The following DNMT3A variants were observed in gnomAD, a reference collection of about 807,000 sequenced individuals.
DNMT3A encodes the protein DNA methyltransferase 3 alpha.
DNMT3A carries 267 observed loss-of-function variants against 117.6 expected under a neutral mutation model. The observed-to-expected ratio is 2.27, with a 90% confidence interval of 2.05 to 2.51. DNMT3A has a LOEUF of 2.51. Among genes scored for constraint, DNMT3A ranks in the 30% most tolerant of loss-of-function variants. The probability of loss-of-function intolerance (pLI) is 0.00; values close to 1 mark genes in which losing one functional copy is unlikely to be tolerated. For synonymous variants in DNMT3A, 432 were observed against 474.8 expected (o/e 0.91, Z 1.17); for missense variants, 1,029 against 1,260.2 (o/e 0.82, Z 2.78).
At chr2:25,244,988 T>G (rs990250621) in intron 13 of DNMT3A, among the ~76,000 whole-genome samples, 1 of 152,180 alleles carries the variant, frequency 6.6e-6, no homozygotes, top group African/African-American at 2.4e-5. Flanking sequence ...TCCCCGCTGC[T>G]CTGCTCCCAT....
At chr2:25,251,601 G>A (rs1028101002) in intron 6 of DNMT3A, among the ~76,000 whole-genome samples, 1 of 152,112 alleles carries the variant, frequency 6.6e-6, no homozygotes, top group Non-Finnish European at 1.5e-5. Flanking sequence ...GAGCGCCACC[G>A]CCCCCAAGCC....
intron 1 of DNMT3A, among the ~76,000 whole-genome samples, chr2:25,315,942 G>T (rs72810082): frequency 1.3e-5 from 2 of 152,204 alleles, no homozygotes; most frequent in African/African-American, 4.8e-5. Context: ...TGGAAAGAAC[G>T]TTGAGCCCAA....
Position 25,246,245 on chromosome 2 carries a change from G to A in DNMT3A, c.1344C>T (p.Tyr448=), listed in dbSNP as rs137931376. 53 of 1,614,108 alleles carry A rather than the reference G, an allele frequency of 3.3e-5. No individual in the cohort carries two copies. The African/African-American group carries it at 4.1e-4, about 13-fold the overall frequency. ...DMWVEPEAAA[Y]APPPPAKKPR... Reference sequence around the variant, plus strand: ...GCTTTTTGGCTGGTGGAGGTGGTGCGTAGGCAGCTGCCTCAGGTTCCACCC... The same window carrying A: ...GCTTTTTGGCTGGTGGAGGTGGTGCATAGGCAGCTGCCTCAGGTTCCACCC... The change falls in exon 11 of 23, where the codon TAC becomes TAT. Residue 448 remains tyrosine, a synonymous_variant. Coordinates refer to ENST00000321117, the MANE Select transcript of DNMT3A (RefSeq NM_022552.5).
In DNMT3A at chr2:25,246,661, C is replaced by A. The variant is rs1456725200; in HGVS notation, c.1238G>T (p.Gly413Val). 1.2e-6 allele frequency: 2 copies of A among 1,613,052 alleles called. No homozygotes were observed. The highest frequency in any genetic ancestry group is 8.5e-7 in the Non-Finnish European group (1 of 1,179,734). The change falls in exon 10 of 23, where the codon GGC becomes GTC. Residue 413 changes from glycine (G) to valine (V), a missense_variant. Physicochemically the swap from Gly to Val is moderately radical, Grantham distance 109 (BLOSUM62 -3). Coordinates refer to ENST00000321117, the MANE Select transcript of DNMT3A (RefSeq NM_022552.5). Reference protein sequence around the residue: ...NKPMIEWALGGFQPSGPKGLE... With the variant: ...NKPMIEWALGVFQPSGPKGLE... ...GCCCTTAGGGCCAGAAGGCTGGAAG[C>A]CCCCCAGGGCCCATTCAATCATGGG...
chr2:25,246,618 A>C lies in DNMT3A; in HGVS notation c.1279+2T>G, dbSNP rs1674806334. Reference sequence around the variant, plus strand: ...CCCAGAAAGCTGGGTGCCCTCATTTACCTTCTGGTGGCTCCAGGCCCTTAG... The same window carrying C: ...CCCAGAAAGCTGGGTGCCCTCATTTCCCTTCTGGTGGCTCCAGGCCCTTAG... On this transcript the variant is annotated splice_donor_variant, in intron 10 of 22. Transcript: ENST00000321117. LOFTEE classifies it high-confidence loss of function. The C allele has an allele frequency of 6.2e-7, 1 of 1,607,480 alleles. No individual in the cohort carries two copies. The highest frequency in any genetic ancestry group is 8.5e-7 in the Non-Finnish European group (1 of 1,176,524).
At chr2:25,317,034 C>A (rs188005017) in intron 1 of DNMT3A, among the ~76,000 whole-genome samples, 8 of 152,246 alleles carry the variant, frequency 5.3e-5, no homozygotes, top group African/African-American at 1.7e-4. Flanking sequence ...TCACTACCTT[C>A]TAAACTCAAT....
In DNMT3A at chr2:25,247,853, G is replaced by A. The variant is rs2149309211; in HGVS notation, c.856-104C>T. On this transcript the variant is annotated intron_variant, in intron 7 of 22. Transcript: ENST00000321117. This position sits in a 1 kb window ranked among gnomAD's most constrained non-coding sequence, Gnocchi z 5.6. ...CCCTGGGCATCTGGGGGGCAGGACA[G>A]CCAGGAGGGAGCTCCATCTGAATGA... is the stretch of plus-strand genomic sequence containing the variant. 1 of 1,544,376 alleles carries A rather than the reference G, an allele frequency of 6.5e-7. No homozygotes were observed. The highest frequency in any genetic ancestry group is 2.4e-5 in the East Asian group (1 of 42,408).
chr2:25,312,764 A>G (rs2034190153), intron 2 of DNMT3A, among the ~76,000 whole-genome samples: 1 of 152,232 alleles, frequency 6.6e-6, no homozygotes, highest in African/African-American at 2.4e-5. Context: ...CCCAGGAAGG[A>G]GCTGAGCACG....
intron 1 of DNMT3A, 116 bp downstream of exon 1, chr2:25,341,710 G>T: frequency 1.3e-6 from 1 of 765,934 alleles, no homozygotes; most frequent in Non-Finnish European, 1.6e-6. Context: ...AGTTGCAGGG[G>T]TCCGGGAGCG....
chr2:25,314,315 G>A (rs2034277066), intron 1 of DNMT3A, 154 bp from the exon 2 acceptor site: 2 of 985,260 alleles, frequency 2.0e-6, no homozygotes, highest in Non-Finnish European at 2.4e-6. Flanking sequence ...ACCGAGGCAG[G>A]CTCCCTTCAG....
intron 17 of DNMT3A, among the ~76,000 whole-genome samples, chr2:25,241,227 C>T (rs1410445295): frequency 6.6e-6 from 1 of 152,194 alleles, no homozygotes; most frequent in Admixed American, 6.5e-5. Flanking sequence ...AGAAACTGTC[C>T]AGAAACCAGC....
chr2:25,246,772 G>T lies in DNMT3A; in HGVS notation c.1127C>A (p.Ala376Asp). ...RKAIYEVLQV[A>D]SSRAGKLFPV... ...GAACAGCTTCCCCGCGCGGCTGCTGGCCACCTGGAGGGTGACACGCCAGGG... is the reference window on the plus strand; with the variant it reads ...GAACAGCTTCCCCGCGCGGCTGCTGTCCACCTGGAGGGTGACACGCCAGGG... Residue 376 changes from alanine to aspartate, a missense_variant, in exon 10 of 23, where the codon GCC becomes GAC. By Grantham distance (126) the Ala-to-Asp change is moderately radical (BLOSUM62 -2). Coordinates refer to ENST00000321117, the MANE Select transcript of DNMT3A (RefSeq NM_022552.5). 1 of 1,613,206 alleles carries T rather than the reference G, an allele frequency of 6.2e-7. No individual in the cohort carries two copies. The highest frequency in any genetic ancestry group is 8.5e-7 in the Non-Finnish European group (1 of 1,179,956).
intron 19 of DNMT3A, among the ~76,000 whole-genome samples, 162 bp downstream of exon 19, chr2:25,240,140 T>A (rs1371613157): frequency 3.3e-5 from 5 of 152,158 alleles, no homozygotes. Flanking sequence ...CTAACCCTGC[T>A]TCCTCCCTTT....
At chr2:25,336,239 G>A (rs2035211097) in intron 1 of DNMT3A, among the ~76,000 whole-genome samples, 1 of 152,250 alleles carries the variant, frequency 6.6e-6, no homozygotes, top group Admixed American at 6.5e-5. Flanking sequence ...CCCAGCGTGT[G>A]TGTTGGGGGA....
intron 3 of DNMT3A, among the ~76,000 whole-genome samples, chr2:25,291,397 G>A (rs745595099): frequency 5.9e-5 from 9 of 152,240 alleles, no homozygotes; most frequent in Non-Finnish European, 1.0e-4. Flanking sequence ...CTGTGGTAGG[G>A]AGAGCCAGAG....
Position 25,252,195 on chromosome 2 carries a change from C to A in DNMT3A, c.640-3943G>T. On this transcript the variant is annotated intron_variant, in intron 6 of 22. Transcript: ENST00000321117. The surrounding 1 kb of genome is among the most constrained non-coding windows in gnomAD (Gnocchi z 5.5). ...CCGGGGCTCCGTCCAGGAACCTACC[C>A]ATAAGGCCAGGTGCAGCCCCTCTGC... is the stretch of plus-strand genomic sequence containing the variant. The A allele has an allele frequency of 6.4e-7, 1 of 1,565,740 alleles. No individual in the cohort carries two copies. Among genetic ancestry groups the A allele is most frequent in the Non-Finnish European group, 8.6e-7 (1 of 1,157,226 alleles).
At chr2:25,264,132 G>GTTTTTTTTTTTTTTTTTTTTTTTTT (rs1175186554) in intron 6 of DNMT3A, among the ~76,000 whole-genome samples, 3 of 73,758 alleles carry the variant, frequency 4.1e-5, no homozygotes, top group Non-Finnish European at 2.3e-5. Flanking sequence ...CAACCCTTTG[G>GTTTTTTTTTTTTTTTTTTTTTTTTT]TTTTTTTTTT....
intron 6 of DNMT3A, among the ~76,000 whole-genome samples, chr2:25,258,413 T>G (rs959990252): frequency 2.0e-5 from 3 of 152,184 alleles, no homozygotes; most frequent in African/African-American, 7.2e-5. Flanking sequence ...GAATTGTGCT[T>G]TATCCTGGGA....
intron 15 of DNMT3A, 34 bp from the exon 16 acceptor site, chr2:25,244,016 C>T (rs745313228): frequency 6.5e-7 from 1 of 1,548,912 alleles, no homozygotes; most frequent in Admixed American, 2.0e-5. Flanking sequence ...AGATGCAGGC[C>T]CAGCGGTGTC....
Sources: allele counts gnomAD v4.1 joint callset (sites outside exome capture counted in the v4.1 genomes callset), GRCh38; gene constraint gnomAD v4.1.1; non-coding constraint Gnocchi (gnomAD v3.1); transcripts MANE v1.5; gene names NCBI Gene and HGNC (gene_info 2026-07-23, HGNC 2026-07-21).